PGBD5: variants seen among roughly 807,000 people sequenced by gnomAD.
PGBD5 encodes the protein piggyBac transposable element derived 5, also known as piggyBac transposable element-derived protein 5.
A neutral mutation model predicts 47.9 loss-of-function variants in PGBD5; 14 were observed. That is an observed-to-expected ratio of 0.29 (90% confidence interval 0.19 to 0.46). The LOEUF is 0.46. Among genes scored for constraint, PGBD5 ranks in the 20% least tolerant of loss-of-function variants. The probability of loss-of-function intolerance (pLI) is 1.00; values close to 1 mark genes in which losing one functional copy is unlikely to be tolerated. For missense variants in PGBD5, 635 were observed against 716.0 expected (o/e 0.89, Z 1.29); for synonymous variants, 316 against 306.3 (o/e 1.03, Z -0.33).
At chr1:230,399,999 C>A (rs1657094986) in intron 1 of PGBD5, among the ~76,000 whole-genome samples, 1 of 152,252 alleles carries the variant, frequency 6.6e-6, no homozygotes, top group South Asian at 2.1e-4. Flanking sequence ...AAAACTTACA[C>A]AGGGCTATGT....
rs1243439261 is a variant in PGBD5 at position 230,321,827 on chromosome 1, C to T, written c.*1598G>A. ...CCATGTGGTAAAAGTGCTTTCAATC[C>T]CATTAAAGGGCACAGCAAGGGTGTT... On this transcript the variant is annotated 3_prime_UTR_variant, in exon 7 of 7. Transcript: ENST00000391860. 2.6e-5 allele frequency: 4 copies of T among 152,562 alleles called. No homozygotes were observed. The highest frequency in any genetic ancestry group is 4.4e-5 in the Non-Finnish European group (3 of 68,044). The allele number at this position is 152,562 out of a possible 1,614,324, so 9.5% of individuals were successfully genotyped here.
intron 4 of PGBD5, among the ~76,000 whole-genome samples, chr1:230,335,792 GGCACAAAGACACACAGAC>G (rs1558192809): frequency 1.6e-3 from 3 of 1,880 alleles, no homozygotes; most frequent in Non-Finnish European, 4.3e-3. Flanking sequence ...CACACACACA[GGCACAAAGACACACAGAC>G]ACATACACTG....
chr1:230,362,152 T>C (rs1478010785), intron 1 of PGBD5: 1 of 1,211,152 alleles, frequency 8.3e-7, no homozygotes, highest in African/African-American at 1.6e-5. Context: ...CACGTGACCA[T>C]GCTCTTGCAA....
At chr1:230,356,092 T>G (rs1222160868) in intron 2 of PGBD5, among the ~76,000 whole-genome samples, 1 of 152,216 alleles carries the variant, frequency 6.6e-6, no homozygotes, top group African/African-American at 2.4e-5. Flanking sequence ...AAAATTGAAC[T>G]GAACTTCTGT....
At chr1:230,344,059 G>A (rs1667443450) in intron 3 of PGBD5, among the ~76,000 whole-genome samples, 1 of 152,190 alleles carries the variant, frequency 6.6e-6, no homozygotes, top group Admixed American at 6.5e-5. Flanking sequence ...GCCGAGGCGG[G>A]CAGACCACGA....
chr1:230,396,559 G>T (rs1006780369), intron 1 of PGBD5, among the ~76,000 whole-genome samples: 2 of 117,552 alleles, frequency 1.7e-5, no homozygotes, highest in Admixed American at 9.1e-5. Flanking sequence ...ACATTTTGTT[G>T]CCCCCCCTCC....
At chr1:230,414,318 C>T (rs1307699596) in intron 1 of PGBD5, among the ~76,000 whole-genome samples, 10 of 152,186 alleles carry the variant, frequency 6.6e-5, no homozygotes, top group African/African-American at 2.4e-4. Flanking sequence ...CGGATCTTCC[C>T]TCCTTCCCAC....
chr1:230,327,939 C>T (rs1667148891), intron 5 of PGBD5, among the ~76,000 whole-genome samples: 1 of 152,232 alleles, frequency 6.6e-6, no homozygotes, highest in African/African-American at 2.4e-5. Context: ...CCAATGACAA[C>T]CTTCTCTGGG....
rs1350998653 is a variant in PGBD5, at chr1:230,417,475, A to G, written c.331+8123T>C. Among the ~76,000 whole-genome samples, 8 of 152,368 alleles carry G rather than the reference A, an allele frequency of 5.3e-5. No individual in the cohort carries two copies. In the South Asian group the frequency reaches 1.7e-3, roughly 32 times the overall value. On this transcript the variant is annotated intron_variant, in intron 1 of 6. Transcript: ENST00000391860. ...ATAATTATAGGTGTTAAATTTTAAG[A>G]TATTTTCACTAAGAAAGTCTCAAGT...
intron 1 of PGBD5, chr1:230,362,520 G>C (rs1276873756): frequency 1.7e-6 from 2 of 1,157,074 alleles, no homozygotes; most frequent in African/African-American, 3.3e-5. Flanking sequence ...TCACCTTCTG[G>C]GGGAACCTCC....
chr1:230,394,965 T>G (rs1656892406), intron 1 of PGBD5, among the ~76,000 whole-genome samples: 1 of 130,420 alleles, frequency 7.7e-6, no homozygotes, highest in African/African-American at 3.0e-5. Flanking sequence ...CCCAAGCTCC[T>G]CTCGTTCCCA....
At chr1:230,368,198 A>C (rs1667872665) in intron 1 of PGBD5, 1 of 1,332,074 alleles carries the variant, frequency 7.5e-7, no homozygotes, top group Non-Finnish European at 9.9e-7. Flanking sequence ...GATGGATAAA[A>C]GCTGAAAGCT....
Position 230,322,815 on chromosome 1 carries a change from G to C in PGBD5, c.*610C>G, listed in dbSNP as rs1375200252. The C allele has an allele frequency of 6.5e-6, 1 of 152,748 alleles. No homozygotes were observed. Among genetic ancestry groups the C allele is most frequent in the African/African-American group, 2.4e-5 (1 of 41,444 alleles). The allele number at this position is 152,748 out of a possible 1,614,324, so 9.5% of individuals were successfully genotyped here. A position where few individuals can be genotyped will look rare whatever the true frequency, so the allele number is the denominator to read the frequency against. ...CTCCCCTGCCCACCAGCTAAGCAGA[G>C]GGAATGAGCAGGAATGCCTCGTTTT... On this transcript the variant is annotated 3_prime_UTR_variant, in exon 7 of 7. Transcript: ENST00000391860. This position sits in a 1 kb window ranked among gnomAD's most constrained non-coding sequence, Gnocchi z 5.9.
chr1:230,324,293 C>T (rs571844146), intron 6 of PGBD5, among the ~76,000 whole-genome samples: 21 of 152,338 alleles, frequency 1.4e-4, no homozygotes, highest in African/African-American at 3.4e-4. Flanking sequence ...AGAGCAGGCA[C>T]GACAGACATC....
chr1:230,370,792 A>T (rs1303189466), intron 1 of PGBD5, among the ~76,000 whole-genome samples: 8 of 152,150 alleles, frequency 5.3e-5, no homozygotes. Flanking sequence ...CATGGCTAAG[A>T]GCTGAAAGAG....
At chr1:230,424,418 C>T (rs1459532422) in intron 1 of PGBD5, among the ~76,000 whole-genome samples, 4 of 152,230 alleles carry the variant, frequency 2.6e-5, no homozygotes, top group Admixed American at 6.5e-5. Flanking sequence ...GCTTTAGCTC[C>T]GCGCATCCAC....
At chr1:230,337,030 C>T (rs1362871637) in intron 4 of PGBD5, 78 bp downstream of exon 4, 19 of 1,499,804 alleles carry the variant, frequency 1.3e-5, no homozygotes, top group Non-Finnish European at 1.5e-5. Flanking sequence ...CACGTATCTG[C>T]ACCCCCACCT....
chr1:230,377,672 C>G (rs1278623807), intron 1 of PGBD5: 35 of 1,447,984 alleles, frequency 2.4e-5, no homozygotes, highest in Non-Finnish European at 3.2e-5. Flanking sequence ...TCCCACACAG[C>G]CTTCATTTCC....
At chr1:230,330,761 C>T (rs1667201746) in intron 5 of PGBD5, among the ~76,000 whole-genome samples, 1 of 151,984 alleles carries the variant, frequency 6.6e-6, no homozygotes, top group Non-Finnish European at 1.5e-5. Context: ...GGGAGGGGGG[C>T]TACAGTGATG....
Sources: gnomAD v4.1 joint callset for allele counts (sites outside exome capture counted in the v4.1 genomes callset) on GRCh38, gnomAD v4.1.1 for gene constraint, Gnocchi (gnomAD v3.1) non-coding constraint, MANE v1.5 for transcripts, NCBI Gene and HGNC (gene_info 2026-07-23, HGNC 2026-07-21) for gene names.